BBS9: variants seen among roughly 807,000 people sequenced by gnomAD.
The protein encoded by BBS9 is Bardet-Biedl syndrome 9, also known as protein PTHB1.
BBS9 carries 89 observed loss-of-function variants against 117.7 expected under a neutral mutation model. That is an observed-to-expected ratio of 0.76 (90% CI 0.64 to 0.90). BBS9 has a LOEUF of 0.90. BBS9 is among the 40% of genes least tolerant of loss of function. The pLI is 0.00. For synonymous variants in BBS9, 379 were observed against 370.9 expected, an observed-to-expected ratio of 1.02 and a Z score of -0.25; for missense variants, 982 against 1,042.2, an observed-to-expected ratio of 0.94 and a Z score of 0.80.
intron 5 of BBS9, among the ~76,000 whole-genome samples, chr7:33,248,188 T>A (rs1329011324): frequency 2.0e-5 from 3 of 152,216 alleles, no homozygotes; most frequent in African/African-American, 7.2e-5. Flanking sequence ...TAGTTGAGAA[T>A]TTGTGTAACT....
intron 21 of BBS9, among the ~76,000 whole-genome samples, chr7:33,550,850 C>T (rs1216812724): frequency 1.3e-5 from 2 of 152,040 alleles, no homozygotes; most frequent in African/African-American, 2.4e-5. Context: ...AGTTGTATTT[C>T]TGTGTACAGG....
chr7:33,228,002 A>G (rs529592339), intron 5 of BBS9, among the ~76,000 whole-genome samples: 1 of 152,244 alleles, frequency 6.6e-6, no homozygotes, highest in South Asian at 2.1e-4. Flanking sequence ...CAGTAGTGGC[A>G]TTACTGGATT....
At chr7:33,535,726 T>C (rs957298040) in intron 21 of BBS9, among the ~76,000 whole-genome samples, 5 of 151,818 alleles carry the variant, frequency 3.3e-5, no homozygotes, top group Non-Finnish European at 5.9e-5. Flanking sequence ...AGTTTATGAC[T>C]CTCCCTCCCT....
At chr7:33,149,557 T>G (rs922328904) in intron 2 of BBS9, among the ~76,000 whole-genome samples, 1 of 152,148 alleles carries the variant, frequency 6.6e-6, no homozygotes, top group African/African-American at 2.4e-5. Flanking sequence ...AGAGAGATAG[T>G]GAGAATGAGG....
At chr7:33,356,322 C>T (rs1050989236) in intron 15 of BBS9, among the ~76,000 whole-genome samples, 3 of 151,688 alleles carry the variant, frequency 2.0e-5, no homozygotes, top group Non-Finnish European at 3.0e-5. Flanking sequence ...TATTGACAGT[C>T]GTGCTTTGTG....
At chr7:33,266,843 A>G (rs1377368616) in intron 7 of BBS9, among the ~76,000 whole-genome samples, 1 of 152,076 alleles carries the variant, frequency 6.6e-6, no homozygotes, top group Non-Finnish European at 1.5e-5. Flanking sequence ...CCCGGGTTCA[A>G]GTGATTCTCC....
intron 20 of BBS9, among the ~76,000 whole-genome samples, chr7:33,525,042 C>T (rs1204324190): frequency 6.6e-6 from 1 of 151,706 alleles, no homozygotes; most frequent in African/African-American, 2.4e-5. Context: ...GTTCAGTTTC[C>T]ATGTAGTTGA....
chr7:33,175,718 G>GA (rs1224382663), intron 4 of BBS9, among the ~76,000 whole-genome samples: 2 of 150,858 alleles, frequency 1.3e-5, no homozygotes, highest in Middle Eastern at 3.4e-3. Flanking sequence ...AAAAGGGAGG[G>GA]AAAAAAAAAT....
At chr7:33,472,791 C>G (rs1225338500) in intron 19 of BBS9, among the ~76,000 whole-genome samples, 2 of 152,182 alleles carry the variant, frequency 1.3e-5, no homozygotes, top group African/African-American at 4.8e-5. Flanking sequence ...ACCACCCTTA[C>G]TTTTTTCCTG....
chr7:33,172,144 G>T lies in BBS9; in HGVS notation c.329-5334G>T, dbSNP rs533128147. On this transcript the variant is annotated intron_variant, in intron 4 of 22. Coordinates refer to ENST00000242067, the MANE Select transcript of BBS9 (RefSeq NM_198428.3). ...ACCTGTAATCCCAGCACTTTGGGAG[G>T]CCGAGGTGGGCCGATCATGAAGTCA... Among the ~76,000 whole-genome samples, 3 of 152,262 alleles carry T rather than the reference G, an allele frequency of 2.0e-5. No individual in the cohort carries two copies. The South Asian group carries it at 6.2e-4, about 32-fold the overall frequency.
chr7:33,171,454 T>C (rs147808055), intron 4 of BBS9, among the ~76,000 whole-genome samples: 63 of 152,364 alleles, frequency 4.1e-4, no homozygotes, highest in African/African-American at 1.4e-3. Context: ...GTATACAAAA[T>C]TGTTTCATCT....
intron 19 of BBS9, among the ~76,000 whole-genome samples, chr7:33,404,013 T>C (rs1829446718): frequency 6.6e-6 from 1 of 152,220 alleles, no homozygotes. Flanking sequence ...CCATTCTAAC[T>C]GGTGTGAGAT....
chr7:33,146,394 T>A (rs1365810949), intron 2 of BBS9, 30 bp downstream of exon 2: 3 of 1,554,994 alleles, frequency 1.9e-6, no homozygotes, highest in Non-Finnish European at 2.7e-6. Context: ...ACATCTTGGA[T>A]GAAAGTTTTA....
intron 10 of BBS9, 57 bp from the exon 11 acceptor site, chr7:33,340,840 C>A: frequency 6.8e-7 from 1 of 1,467,824 alleles, no homozygotes; most frequent in Non-Finnish European, 9.4e-7. Context: ...TAAAGAAAAA[C>A]TATATATAGA....
At chr7:33,544,866 T>C (rs61059309) in intron 21 of BBS9, among the ~76,000 whole-genome samples, 69,846 of 151,730 alleles carry the variant, frequency 0.46, 16,693 homozygotes, top group South Asian at 0.57. Flanking sequence ...GGGGGTCTTG[T>C]TGCAGCTGCT....
intron 21 of BBS9, among the ~76,000 whole-genome samples, chr7:33,622,690 A>T (rs10260440): frequency 0.044 from 6,650 of 152,304 alleles, 446 homozygotes; most frequent in African/African-American, 0.14. Context: ...ACCAGATATC[A>T]AGTCTAATTG....
chr7:33,569,513 TG>T (rs1322234443), intron 21 of BBS9, among the ~76,000 whole-genome samples: 1 of 151,642 alleles, frequency 6.6e-6, no homozygotes, highest in Non-Finnish European at 1.5e-5. Flanking sequence ...CCCAGCACTT[TG>T]GGAGGCCGAG....
chr7:33,308,936 T>C (rs1425458422), intron 9 of BBS9, among the ~76,000 whole-genome samples: 1 of 152,174 alleles, frequency 6.6e-6, no homozygotes, highest in Non-Finnish European at 1.5e-5. Context: ...TTGGTATAGA[T>C]TGTATTTTTA....
At chr7:33,151,012 G>T (rs1202022385) in intron 2 of BBS9, among the ~76,000 whole-genome samples, 1 of 152,144 alleles carries the variant, frequency 6.6e-6, no homozygotes, top group East Asian at 1.9e-4. Context: ...CCATACTTTG[G>T]AGGCCAAGGC....
Sources: gnomAD v4.1 joint callset for allele counts (sites outside exome capture counted in the v4.1 genomes callset) on GRCh38, gnomAD v4.1.1 for gene constraint, MANE v1.5 for transcripts, NCBI Gene and HGNC (gene_info 2026-07-23, HGNC 2026-07-21) for gene names.